Variants in PPM1L observed in about 807,000 individuals in gnomAD.
PPM1L encodes protein phosphatase, Mg2+/Mn2+ dependent 1L.
In PPM1L, 13 loss-of-function variants were observed where a neutral mutation model predicts 31.4. The ratio of observed to expected loss-of-function variants is 0.41; its 90% CI spans 0.27 to 0.66. The LOEUF is 0.66. Among genes scored for constraint, PPM1L ranks in the 30% least tolerant of loss-of-function variants. The probability of loss-of-function intolerance (pLI) is 0.29; values close to 1 mark genes in which losing one functional copy is unlikely to be tolerated. For synonymous variants in PPM1L, 184 were observed against 175.4 expected (o/e 1.05, Z -0.39); for missense variants, 326 against 453.7 (o/e 0.72, Z 2.56).
At chr3:160,799,531 T>A (rs1437342006) in intron 1 of PPM1L, among the ~76,000 whole-genome samples, 1 of 152,240 alleles carries the variant, frequency 6.6e-6, no homozygotes, top group Non-Finnish European at 1.5e-5. Flanking sequence ...TAGACTACAA[T>A]ATAGTGTAAA....
chr3:160,788,894 G>A (rs537350648), intron 1 of PPM1L, among the ~76,000 whole-genome samples: 2 of 151,984 alleles, frequency 1.3e-5, no homozygotes, highest in East Asian at 3.9e-4. Flanking sequence ...TGAAGCCAGT[G>A]TAAACAACCT....
intron 1 of PPM1L, among the ~76,000 whole-genome samples, chr3:160,849,658 T>G (rs1403855887): frequency 6.7e-6 from 1 of 149,908 alleles, no homozygotes; most frequent in African/African-American, 2.5e-5. Context: ...TCTCCTGACC[T>G]TGTGATCCGC....
chr3:161,022,025 T>C (rs986157042), intron 2 of PPM1L: 9 of 455,706 alleles, frequency 2.0e-5, no homozygotes, highest in African/African-American at 1.6e-4. Flanking sequence ...TTAAAAGTTA[T>C]GTTTACTATT....
intron 1 of PPM1L, among the ~76,000 whole-genome samples, chr3:160,935,012 T>C (rs1371901208): frequency 6.6e-6 from 1 of 151,976 alleles, no homozygotes; most frequent in East Asian, 1.9e-4. Context: ...TTCTCTACAA[T>C]ATAAATGTAT....
chr3:160,811,313 T>A (rs553186182), intron 1 of PPM1L, among the ~76,000 whole-genome samples: 19 of 152,396 alleles, frequency 1.2e-4, no homozygotes, highest in African/African-American at 4.6e-4. Context: ...TCAAGATGTC[T>A]GTGAGTAATC....
At chr3:160,867,125 C>T (rs1397599117) in intron 1 of PPM1L, among the ~76,000 whole-genome samples, 1 of 152,132 alleles carries the variant, frequency 6.6e-6, no homozygotes, top group African/African-American at 2.4e-5. Flanking sequence ...TGTATATATT[C>T]TTAGAATCAA....
At chr3:161,029,989 T>A (rs1718513416) in intron 2 of PPM1L, among the ~76,000 whole-genome samples, 1 of 152,156 alleles carries the variant, frequency 6.6e-6, no homozygotes, top group Non-Finnish European at 1.5e-5. Flanking sequence ...AGCTGGCCCA[T>A]GGAAACTTGG....
chr3:161,054,027 C>T (rs755258579), intron 2 of PPM1L, among the ~76,000 whole-genome samples: 1 of 152,162 alleles, frequency 6.6e-6, no homozygotes, highest in Non-Finnish European at 1.5e-5. Flanking sequence ...GAAGCTGAGG[C>T]AGCTTCTATT....
intron 1 of PPM1L, among the ~76,000 whole-genome samples, chr3:160,850,105 C>T (rs551779143): frequency 2.5e-4 from 38 of 152,288 alleles, no homozygotes; most frequent in African/African-American, 3.6e-4. Flanking sequence ...TCCTCACCTA[C>T]GGCTATCAAT....
At chr3:160,886,817 T>C (rs1712933453) in intron 1 of PPM1L, among the ~76,000 whole-genome samples, 1 of 151,920 alleles carries the variant, frequency 6.6e-6, no homozygotes, top group Non-Finnish European at 1.5e-5. Context: ...CTCCAAATGA[T>C]TGCAACATCT....
chr3:160,944,513 T>A (rs1032919006), intron 1 of PPM1L, among the ~76,000 whole-genome samples: 2 of 150,112 alleles, frequency 1.3e-5, no homozygotes, highest in African/African-American at 4.9e-5. Flanking sequence ...ACTCTCTAAC[T>A]TTTTAGGTTA....
At chr3:160,787,199 G>A (rs558494868) in intron 1 of PPM1L, among the ~76,000 whole-genome samples, 167 of 152,294 alleles carry the variant, frequency 1.1e-3, no homozygotes, top group African/African-American at 3.9e-3. Flanking sequence ...CACAGTGGCT[G>A]AACTAATTTA....
intron 1 of PPM1L, among the ~76,000 whole-genome samples, chr3:160,904,498 T>C (rs1488039605): frequency 3.3e-5 from 5 of 152,182 alleles, no homozygotes; most frequent in Non-Finnish European, 7.3e-5. Context: ...TTCTCAAGTT[T>C]TCTAATTTGA....
intron 1 of PPM1L, among the ~76,000 whole-genome samples, chr3:160,834,471 A>ATG (rs150328470): frequency 0.027 from 3,693 of 138,948 alleles, 42 homozygotes; most frequent in Middle Eastern, 0.055. Flanking sequence ...GTGTATGTGT[A>ATG]TGTGTGTGTG....
At chr3:160,878,591 C>T (rs993862909) in intron 1 of PPM1L, among the ~76,000 whole-genome samples, 8 of 152,088 alleles carry the variant, frequency 5.3e-5, no homozygotes, top group African/African-American at 1.9e-4. Flanking sequence ...TCTCAAAGGC[C>T]CCATCTCCAG....
chr3:160,773,314 C>T (rs1012407468), intron 1 of PPM1L, among the ~76,000 whole-genome samples: 6 of 151,996 alleles, frequency 3.9e-5, no homozygotes, highest in African/African-American at 9.7e-5. Context: ...CAGAGAGAAA[C>T]AGTTATCAAA....
chr3:160,934,834 T>C (rs1372402632), intron 1 of PPM1L, among the ~76,000 whole-genome samples: 2 of 152,036 alleles, frequency 1.3e-5, no homozygotes, highest in Non-Finnish European at 2.9e-5. Context: ...ATGCCTGTAG[T>C]CCCAGCTGCT....
At chr3:160,962,345 A>G (rs1013762038) in intron 2 of PPM1L, among the ~76,000 whole-genome samples, 2 of 152,044 alleles carry the variant, frequency 1.3e-5, no homozygotes, top group African/African-American at 4.8e-5. Flanking sequence ...CAACTCAGAC[A>G]CTACCACATC....
chr3:160,786,520 A>G (rs1711938211), intron 1 of PPM1L, among the ~76,000 whole-genome samples: 1 of 150,308 alleles, frequency 6.7e-6, no homozygotes, highest in South Asian at 2.1e-4. Flanking sequence ...GCCTGGCCTA[A>G]TTTTGTTTTT....
Sources: gnomAD v4.1 joint callset for allele counts (sites outside exome capture counted in the v4.1 genomes callset) on GRCh38, gnomAD v4.1.1 for gene constraint, MANE v1.5 for transcripts, NCBI Gene and HGNC (gene_info 2026-07-23, HGNC 2026-07-21) for gene names.